Variants in GXYLT2 observed in about 807,000 individuals in gnomAD.
GXYLT2 encodes glycosyltransferase 8 domain containing 4.
GXYLT2 carries 53 observed loss-of-function variants against 45.8 expected under a neutral mutation model. That is an observed-to-expected ratio of 1.16 (90% CI 0.93 to 1.46). The LOEUF (loss-of-function observed/expected upper bound fraction) is 1.46, where lower values mean the gene tolerates loss of function less well. GXYLT2 is among the 40% of genes most tolerant of loss of function. The pLI is 0.00. For synonymous variants in GXYLT2, 219 were observed against 214.2 expected (o/e 1.02, Z -0.19); for missense variants, 551 against 544.4 (o/e 1.01, Z -0.12).
chr3:72,916,535 T>A (rs1709746888), intron 2 of GXYLT2, among the ~76,000 whole-genome samples: 1 of 151,684 alleles, frequency 6.6e-6, no homozygotes. Flanking sequence ...CAACTGAGTT[T>A]GTTTGTTTTT....
chr3:72,948,565 G>A (rs1246028120), intron 3 of GXYLT2, among the ~76,000 whole-genome samples: 4 of 152,256 alleles, frequency 2.6e-5, no homozygotes, highest in South Asian at 2.1e-4. Flanking sequence ...CGGGCCAGGC[G>A]CAGTGGCTCA....
At chr3:72,918,813 G>A (rs1293200909) in intron 2 of GXYLT2, among the ~76,000 whole-genome samples, 4 of 151,958 alleles carry the variant, frequency 2.6e-5, no homozygotes, top group African/African-American at 4.8e-5. Context: ...GGGCAACAGA[G>A]CAAGGCTCTG....
intron 3 of GXYLT2, 24 bp from the exon 4 acceptor site, chr3:72,955,074 T>C (rs1710609074): frequency 6.2e-7 from 1 of 1,610,170 alleles, no homozygotes; most frequent in South Asian, 1.1e-5. Flanking sequence ...CTCTCCCCTT[T>C]ACACCCACTC....
At position 72,924,149 on chromosome 3, in the gene GXYLT2, G is replaced by A. The variant is rs150076711; in HGVS notation, c.600+1814G>A. ...AATGAAGCAATCAGCAGAGACTGGA[G>A]CTTGCAGGCTCAGCAAGCCATCTAG... is the stretch of plus-strand genomic sequence containing the variant. On this transcript the variant is annotated intron_variant, in intron 3 of 6. Transcript: ENST00000389617. 9.0e-3 allele frequency among the ~76,000 whole-genome samples: 1,370 copies of A among 151,638 alleles called. 22 individuals carry two copies. Among genetic ancestry groups the A allele is most frequent in the African/African-American group, 0.032 (1,320 of 41,360 alleles).
chr3:72,932,683 T>C (rs1710063203), intron 3 of GXYLT2, among the ~76,000 whole-genome samples: 1 of 152,220 alleles, frequency 6.6e-6, no homozygotes, highest in African/African-American at 2.4e-5. Flanking sequence ...CTGTTTGGCT[T>C]AACAATGAAT....
chr3:72,911,431 C>G (rs986905388), intron 2 of GXYLT2, among the ~76,000 whole-genome samples: 15 of 152,172 alleles, frequency 9.9e-5, no homozygotes, highest in African/African-American at 3.4e-4. Context: ...TACATTGTCC[C>G]AGGGTCCTCT....
At chr3:72,922,477 C>T in intron 3 of GXYLT2, 142 bp downstream of exon 3, 1 of 762,046 alleles carries the variant, frequency 1.3e-6, no homozygotes, top group East Asian at 2.8e-5. Context: ...AAGTCTGCAG[C>T]ATGTAGAGAG....
At chr3:72,968,319 T>C (rs1559753448) in intron 6 of GXYLT2, among the ~76,000 whole-genome samples, 1 of 152,204 alleles carries the variant, frequency 6.6e-6, no homozygotes, top group Non-Finnish European at 1.5e-5. Context: ...TTTGCCATAG[T>C]GTAAGGTAAC....
At chr3:72,904,565 G>A (rs765992874) in intron 1 of GXYLT2, among the ~76,000 whole-genome samples, 1 of 151,360 alleles carries the variant, frequency 6.6e-6, no homozygotes, top group Non-Finnish European at 1.5e-5. Context: ...GTACTGTGCA[G>A]ACCCAAATCA....
chr3:72,934,679 T>A (rs1033607906), intron 3 of GXYLT2, among the ~76,000 whole-genome samples: 3 of 152,188 alleles, frequency 2.0e-5, no homozygotes, highest in African/African-American at 7.2e-5. Context: ...TGATTCTCCC[T>A]TGGGCAAAAT....
intron 3 of GXYLT2, among the ~76,000 whole-genome samples, chr3:72,940,487 G>A (rs185592169): frequency 5.3e-5 from 8 of 152,248 alleles, no homozygotes; most frequent in African/African-American, 1.9e-4. Flanking sequence ...CTGGGATGAG[G>A]TTCACTGTTA....
intron 1 of GXYLT2, among the ~76,000 whole-genome samples, chr3:72,896,798 C>T (rs530309709): frequency 4.0e-5 from 6 of 151,784 alleles, no homozygotes; most frequent in South Asian, 2.1e-4. Context: ...TGCAGTGAGC[C>T]GAGATAGCGC....
intron 3 of GXYLT2, among the ~76,000 whole-genome samples, chr3:72,926,703 A>G (rs1421825960): frequency 9.9e-5 from 15 of 152,182 alleles, no homozygotes; most frequent in African/African-American, 1.4e-4. Flanking sequence ...TCTCTCCTCA[A>G]TAACTGTGGT....
intron 1 of GXYLT2, among the ~76,000 whole-genome samples, chr3:72,906,963 T>C (rs1433018818): frequency 1.3e-5 from 2 of 152,112 alleles, no homozygotes; most frequent in African/African-American, 4.8e-5. Flanking sequence ...ATTTGCACTT[T>C]AGAGAAACAT....
chr3:72,894,588 A>G (rs1709246963), intron 1 of GXYLT2, among the ~76,000 whole-genome samples: 1 of 152,200 alleles, frequency 6.6e-6, no homozygotes, highest in African/African-American at 2.4e-5. Context: ...TGCCAGCCGC[A>G]CCTGAATGTG....
chr3:72,927,400 T>C (rs1709939019), intron 3 of GXYLT2, among the ~76,000 whole-genome samples: 1 of 152,206 alleles, frequency 6.6e-6, no homozygotes, highest in South Asian at 2.1e-4. Flanking sequence ...AATCTTCTCT[T>C]TTCTACTTAC....
intron 3 of GXYLT2, among the ~76,000 whole-genome samples, chr3:72,938,627 G>A (rs1444175861): frequency 6.6e-6 from 1 of 152,086 alleles, no homozygotes; most frequent in Admixed American, 6.6e-5. Context: ...TTGCTGGCTG[G>A]GATTGCAACA....
intron 1 of GXYLT2, among the ~76,000 whole-genome samples, chr3:72,902,276 G>A (rs1709423950): frequency 6.6e-6 from 1 of 152,160 alleles, no homozygotes; most frequent in Non-Finnish European, 1.5e-5. Flanking sequence ...TTTCCAAAGT[G>A]GCTGTACCAG....
chr3:72,913,872 AC>A (rs1709681537), intron 2 of GXYLT2, among the ~76,000 whole-genome samples: 1 of 152,104 alleles, frequency 6.6e-6, no homozygotes, highest in African/African-American at 2.4e-5. Flanking sequence ...GGCAAATGAT[AC>A]CCTGCTTATG....
Sources: allele counts gnomAD v4.1 joint callset (sites outside exome capture counted in the v4.1 genomes callset), GRCh38; gene constraint gnomAD v4.1.1; transcripts MANE v1.5; gene names NCBI Gene and HGNC (gene_info 2026-07-23, HGNC 2026-07-21).